Variants in FER observed in about 807,000 individuals in gnomAD.
FER encodes FER tyrosine kinase.
A neutral mutation model predicts 111.0 loss-of-function variants in FER; 63 were observed. The observed-to-expected ratio is 0.57, with a 90% CI of 0.46 to 0.70. The LOEUF (loss-of-function observed/expected upper bound fraction) is 0.70, where lower values mean the gene tolerates loss of function less well. Among genes scored for constraint, FER ranks in the 30% least tolerant of loss-of-function variants. The pLI is 0.00. For missense variants in FER, 914 were observed against 954.0 expected (o/e 0.96, Z 0.55); for synonymous variants, 327 against 313.9 (o/e 1.04, Z -0.44).
At chr5:108,948,705 C>T (rs1436397832) in intron 11 of FER, among the ~76,000 whole-genome samples, 1 of 152,010 alleles carries the variant, frequency 6.6e-6, no homozygotes, top group African/African-American at 2.4e-5. Context: ...AAGAATATTG[C>T]CCTTTTTCTA....
chr5:108,970,260 G>T (rs1760457420), intron 13 of FER, among the ~76,000 whole-genome samples: 1 of 151,310 alleles, frequency 6.6e-6, no homozygotes, highest in Admixed American at 6.6e-5. Flanking sequence ...CTGTTGCCCA[G>T]GCTGGAGTGC....
At chr5:108,888,885 C>A (rs958038069) in intron 9 of FER, among the ~76,000 whole-genome samples, 1 of 151,564 alleles carries the variant, frequency 6.6e-6, no homozygotes, top group Non-Finnish European at 1.5e-5. Context: ...GAGACATACA[C>A]CCCCTGCAAG....
At chr5:108,949,124 C>G (rs1757389664) in intron 11 of FER, among the ~76,000 whole-genome samples, 1 of 151,966 alleles carries the variant, frequency 6.6e-6, no homozygotes, top group Non-Finnish European at 1.5e-5. Flanking sequence ...TTAGAAACAT[C>G]ATTCAGTTAT....
At chr5:109,002,366 A>C (rs1225442048) in intron 13 of FER, among the ~76,000 whole-genome samples, 6 of 151,564 alleles carry the variant, frequency 4.0e-5, no homozygotes, top group Non-Finnish European at 7.4e-5. Context: ...AAAACAAGCA[A>C]TGGGGAAAGG....
chr5:109,110,963 G>T (rs992553379), intron 17 of FER, among the ~76,000 whole-genome samples: 5 of 152,128 alleles, frequency 3.3e-5, no homozygotes, highest in African/African-American at 1.2e-4. Context: ...TCCTGGCATT[G>T]TTTTATCACA....
intron 12 of FER, 100 bp downstream of exon 12, chr5:108,955,032 T>C (rs1758257254): frequency 9.8e-7 from 1 of 1,019,530 alleles, no homozygotes; most frequent in Non-Finnish European, 1.4e-6. Flanking sequence ...CCTGCAACAC[T>C]TGAAATTTAG....
At chr5:109,136,285 C>T (rs957939095) in intron 17 of FER, among the ~76,000 whole-genome samples, 1 of 150,792 alleles carries the variant, frequency 6.6e-6, no homozygotes, top group Non-Finnish European at 1.5e-5. Context: ...AGAACTAGAC[C>T]CCGTCTAAAA....
At chr5:109,179,024 G>A (rs529116791) in intron 17 of FER, among the ~76,000 whole-genome samples, 1 of 152,164 alleles carries the variant, frequency 6.6e-6, no homozygotes, top group East Asian at 1.9e-4. Context: ...TGGAACTACT[G>A]TAAATGGAAT....
rs941527802 is a variant in FER at position 109,094,681 on chromosome 5, A to G, written c.1925-5715A>G. Among the ~76,000 whole-genome samples, 101 of 152,302 alleles carry G rather than the reference A, an allele frequency of 6.6e-4. 1 individual carries two copies. The highest frequency in any genetic ancestry group is 2.3e-3 in the African/African-American group (94 of 41,568). On this transcript the variant is annotated intron_variant, in intron 16 of 19. Coordinates refer to ENST00000281092, the MANE Select transcript of FER (RefSeq NM_005246.4). ...GCAGCAATAGACAATATGTAAAGAA[A>G]TTAGTGTGGTTGTTTTCCAATAAAA...
intron 17 of FER, among the ~76,000 whole-genome samples, chr5:109,141,867 CCA>C (rs1358047969): frequency 2.6e-5 from 4 of 152,118 alleles, no homozygotes; most frequent in Non-Finnish European, 2.9e-5. Flanking sequence ...ATTTGCTATG[CCA>C]ATGGAGTGTA....
At chr5:109,079,528 A>G (rs891425939) in intron 16 of FER, among the ~76,000 whole-genome samples, 5 of 152,160 alleles carry the variant, frequency 3.3e-5, no homozygotes, top group African/African-American at 7.2e-5. Flanking sequence ...TATAAAACAT[A>G]ATAATTTTAG....
chr5:109,107,068 T>A (rs527309400), intron 17 of FER, among the ~76,000 whole-genome samples: 1 of 152,312 alleles, frequency 6.6e-6, no homozygotes, highest in Admixed American at 6.5e-5. Flanking sequence ...GGAATAGTAG[T>A]ACATTAAGGC....
chr5:108,992,636 C>T (rs540109449), intron 13 of FER, among the ~76,000 whole-genome samples: 29 of 146,342 alleles, frequency 2.0e-4, no homozygotes, highest in African/African-American at 5.7e-4. Flanking sequence ...GGGGGCTGAC[C>T]ACCCCACCTC....
chr5:108,851,985 G>T (rs532178467), intron 5 of FER, among the ~76,000 whole-genome samples: 3 of 152,300 alleles, frequency 2.0e-5, no homozygotes, highest in African/African-American at 7.2e-5. Context: ...CACTTGAAAG[G>T]AGTTCTCTTC....
intron 3 of FER, among the ~76,000 whole-genome samples, chr5:108,825,219 T>G (rs556183752): frequency 1.2e-4 from 18 of 152,240 alleles, no homozygotes; most frequent in Middle Eastern, 3.4e-3. Context: ...GGTGGGAATT[T>G]CCTCTTCCTA....
chr5:108,897,006 C>A (rs777447447), intron 9 of FER, among the ~76,000 whole-genome samples: 1 of 152,118 alleles, frequency 6.6e-6, no homozygotes, highest in Non-Finnish European at 1.5e-5. Flanking sequence ...TTGAAGGCAG[C>A]CTCCAAGGGT....
chr5:108,792,213 A>T (rs953683272), intron 2 of FER, among the ~76,000 whole-genome samples: 21 of 152,220 alleles, frequency 1.4e-4, no homozygotes, highest in African/African-American at 5.1e-4. Flanking sequence ...CAAGTTCTAT[A>T]AAAAAGCTAG....
intron 17 of FER, among the ~76,000 whole-genome samples, chr5:109,139,327 T>C (rs1054015759): frequency 2.1e-5 from 3 of 143,386 alleles, no homozygotes; most frequent in African/African-American, 7.8e-5. Context: ...AGGGCCTATG[T>C]CTTTACTTCT....
intron 5 of FER, among the ~76,000 whole-genome samples, chr5:108,858,067 A>G (rs1205908902): frequency 2.0e-5 from 3 of 152,226 alleles, no homozygotes. Flanking sequence ...ATTGACAGAC[A>G]CAGGAAATAA....
Sources: allele counts gnomAD v4.1 joint callset (sites outside exome capture counted in the v4.1 genomes callset), GRCh38; gene constraint gnomAD v4.1.1; transcripts MANE v1.5; gene names NCBI Gene and HGNC (gene_info 2026-07-23, HGNC 2026-07-21).